TMEM248: variants seen among roughly 807,000 people sequenced by gnomAD.
The protein encoded by TMEM248 is transmembrane protein 248.
TMEM248 carries 9 observed loss-of-function variants against 30.3 expected under a neutral mutation model. That is an observed-to-expected ratio of 0.30 (90% CI 0.18 to 0.52). TMEM248 has a LOEUF of 0.52. Ranked by LOEUF, TMEM248 falls within the 20% of genes least tolerant of loss-of-function variation. TMEM248 has a pLI of 0.97. For synonymous variants in TMEM248, 184 were observed against 154.4 expected (o/e 1.19, Z -1.42); for missense variants, 338 against 403.3 (o/e 0.84, Z 1.39).
Position 66,945,041 on chromosome 7 carries a change from C to T in TMEM248, c.225C>T (p.Leu75=), listed in dbSNP as rs756827256. The change falls in exon 3 of 7, where the codon CTC becomes CTT. Residue 75 remains leucine (L), a synonymous_variant. Transcript: ENST00000341567. ...TGTGTGTATCAGAGAATGAAACCCT[C>T]AAGCATCTCACAAACGACACCACAA... ...LDLCVSENET[L]KHLTNDTTTP... 2 of 1,614,220 alleles carry T rather than the reference C, an allele frequency of 1.2e-6. No individual in the cohort carries two copies. Among genetic ancestry groups the T allele is most frequent in the South Asian group, 2.2e-5 (2 of 91,088 alleles).
intron 6 of TMEM248, among the ~76,000 whole-genome samples, chr7:66,953,867 A>T (rs543663561): frequency 2.6e-4 from 39 of 151,694 alleles, no homozygotes; most frequent in African/African-American, 8.9e-4. Context: ...TGGCCTCCCA[A>T]AGTGCTGGAA....
rs763585699 is a variant in TMEM248 at position 66,953,319 on chromosome 7, G to A, written c.874G>A (p.Gly292Ser). ...AATGTTTTGCTATGCTGTTATCAAG[G>A]GCAGACCTAGCAAATTGCGTCAGAG... Reference protein sequence around the residue: ...ITMFCYAVIKGRPSKLRQSNP... With the variant: ...ITMFCYAVIKSRPSKLRQSNP... Residue 292 changes from glycine (G) to serine (S), a missense_variant, in exon 6 of 7, where the codon GGC becomes AGC. Coordinates refer to ENST00000341567, the MANE Select transcript of TMEM248 (RefSeq NM_017994.5). The A allele has an allele frequency of 6.2e-6, 10 of 1,614,012 alleles. No homozygotes were observed. In the Admixed American group the frequency reaches 1.7e-4, roughly 27 times the overall value.
Position 66,941,956 on chromosome 7 carries a change from G to C in TMEM248, c.91G>C (p.Ala31Pro), listed in dbSNP as rs1423598992. The C allele has an allele frequency of 6.2e-7, 1 of 1,614,134 alleles. No individual in the cohort carries two copies. Among genetic ancestry groups the C allele is most frequent in the East Asian group, 2.2e-5 (1 of 44,896 alleles). ...VVFMISVSAM[A>P]IAFLTLGYFF... ...CTTCATGATCAGCGTAAGCGCCATG[G>C]CCATAGCTTTCCTGACCCTGGGCTA... The change falls in exon 2 of 7, where the codon GCC becomes CCC. Residue 31 changes from alanine (A) to proline (P), a missense_variant. Coordinates refer to ENST00000341567, the MANE Select transcript of TMEM248 (RefSeq NM_017994.5).
rs1439283672 is a variant in TMEM248 at position 66,957,560 on chromosome 7, G to A, written c.*2038G>A. 1.3e-5 allele frequency: 2 copies of A among 152,140 alleles called. No individual in the cohort carries two copies. The highest frequency in any genetic ancestry group is 2.9e-5 in the Non-Finnish European group (2 of 68,036). The allele number at this position is 152,140 out of a possible 1,614,324, so 9.4% of individuals were successfully genotyped here. ...AGCCATGTGGCTTGGCTCTAGAAAC[G>A]TCATTATCATTAGGACCATCAGATT... On this transcript the variant is annotated 3_prime_UTR_variant, in exon 7 of 7. Coordinates refer to ENST00000341567, the MANE Select transcript of TMEM248 (RefSeq NM_017994.5).
chr7:66,931,992 G>T (rs185221513), intron 1 of TMEM248, among the ~76,000 whole-genome samples: 48 of 151,120 alleles, frequency 3.2e-4, no homozygotes, highest in African/African-American at 1.0e-3. Flanking sequence ...TTTTAGTAGA[G>T]ACGGGGTTTC....
intron 6 of TMEM248, among the ~76,000 whole-genome samples, chr7:66,953,944 T>C (rs1445469663): frequency 1.0e-3 from 119 of 114,354 alleles, no homozygotes; most frequent in African/African-American, 3.4e-3. Context: ...ACTTTCTTTT[T>C]TTTTTTTTTT....
intron 1 of TMEM248, among the ~76,000 whole-genome samples, chr7:66,940,443 A>G (rs1200310986): frequency 6.6e-6 from 1 of 152,228 alleles, no homozygotes; most frequent in African/African-American, 2.4e-5. Flanking sequence ...AGGAAGCTAA[A>G]TAGATGGAAA....
chr7:66,947,405 T>A (rs1792135797), intron 3 of TMEM248, among the ~76,000 whole-genome samples: 1 of 151,942 alleles, frequency 6.6e-6, no homozygotes, highest in South Asian at 2.1e-4. Context: ...CCTTCGGGAT[T>A]TTTTGTTGTT....
Position 66,945,258 on chromosome 7 carries a change from T to G in TMEM248, c.442T>G (p.Ser148Ala). The change falls in exon 3 of 7, where the codon TCA (serine) becomes GCA (alanine). Residue 148 changes from serine (S) to alanine (A), a missense_variant. By Grantham distance (99) the Ser-to-Ala change is moderately conservative. Coordinates refer to ENST00000341567, the MANE Select transcript of TMEM248 (RefSeq NM_017994.5). ...CATCTTAGGGCATCAGATTGGACTT[T>G]CAGGTATGCAGTAGCCACTCTCCAC... is the stretch of plus-strand genomic sequence containing the variant. ...STILGHQIGL[S>A]GREAHEEINI... The G allele has an allele frequency of 1.2e-6, 2 of 1,612,464 alleles. No individual in the cohort carries two copies. Among genetic ancestry groups the G allele is most frequent in the Non-Finnish European group, 1.7e-6 (2 of 1,178,542 alleles).
In TMEM248 at chr7:66,951,076, G is replaced by C; in HGVS notation, c.721G>C (p.Gly241Arg). The C allele has an allele frequency of 1.2e-6, 2 of 1,609,786 alleles. No individual in the cohort carries two copies. Among genetic ancestry groups the C allele is most frequent in the Non-Finnish European group, 1.7e-6 (2 of 1,178,858 alleles). The part of the protein sequence containing the change: ...QDYNPFWCYK[G>R]AIGKVYHALN... ...TTACAATCCTTTCTGGTGTTATAAG[G>C]GGGCCATTGGAAAAGTCTATCATGC... is the stretch of plus-strand genomic sequence containing the variant. Residue 241 changes from glycine to arginine, a missense_variant, in exon 5 of 7, where the codon GGG becomes CGG. Transcript: ENST00000341567.
chr7:66,955,067 A>C lies in TMEM248; in HGVS notation c.925-435A>C, dbSNP rs113446825. Among the ~76,000 whole-genome samples, 193 of 152,346 alleles carry C rather than the reference A, an allele frequency of 1.3e-3. 1 individual carries two copies. Among genetic ancestry groups the C allele is most frequent in the African/African-American group, 4.5e-3 (186 of 41,578 alleles). The stretch of plus-strand genomic sequence containing the variant: ...CACTTGAGCCCACGAGTTCAAGACC[A>C]GCCTGGGCAACATAGTGAGAACCCT... On this transcript the variant is annotated intron_variant, in intron 6 of 6. Coordinates refer to ENST00000341567, the MANE Select transcript of TMEM248 (RefSeq NM_017994.5).
chr7:66,923,919 G>A (rs1397177516), intron 1 of TMEM248, among the ~76,000 whole-genome samples: 1 of 152,206 alleles, frequency 6.6e-6, no homozygotes, highest in Admixed American at 6.6e-5. Context: ...GCCTGCCTCA[G>A]CCTCCCAATG....
chr7:66,926,356 AC>A (rs1391774766), intron 1 of TMEM248, among the ~76,000 whole-genome samples: 1 of 152,262 alleles, frequency 6.6e-6, no homozygotes, highest in Non-Finnish European at 1.5e-5. Flanking sequence ...ACCGTGGCTT[AC>A]GCCTGTAATG....
At chr7:66,934,944 A>C (rs552536177) in intron 1 of TMEM248, among the ~76,000 whole-genome samples, 6 of 151,900 alleles carry the variant, frequency 3.9e-5, no homozygotes, top group Admixed American at 6.6e-5. Context: ...AATCTCAGCT[A>C]CTCAGAAGGC....
At position 66,933,326 on chromosome 7, in the gene TMEM248, C is replaced by T. The variant is rs551296616; in HGVS notation, c.-18-8522C>T. Among the ~76,000 whole-genome samples, 10 of 152,348 alleles carry T rather than the reference C, an allele frequency of 6.6e-5. No homozygotes were observed. The South Asian group carries it at 1.9e-3, about 28-fold the overall frequency. ...CTGGGACTATGGACGTGTGCCACCA[C>T]GCCCAGATCTTGTGTTTTTGATAGG... On this transcript the variant is annotated intron_variant, in intron 1 of 6. Transcript: ENST00000341567.
chr7:66,944,701 T>G (rs1472989519), intron 2 of TMEM248, among the ~76,000 whole-genome samples: 1 of 152,218 alleles, frequency 6.6e-6, no homozygotes. Context: ...TAAAAAGATT[T>G]TCTTGAATAA....
At chr7:66,931,490 AT>A (rs141003306) in intron 1 of TMEM248, among the ~76,000 whole-genome samples, 46 of 149,190 alleles carry the variant, frequency 3.1e-4, no homozygotes, top group African/African-American at 8.6e-4. Flanking sequence ...GCAAAATTAC[AT>A]TTTTTTTTTC....
intron 1 of TMEM248, among the ~76,000 whole-genome samples, chr7:66,929,409 A>G (rs996084509): frequency 7.0e-6 from 1 of 142,798 alleles, no homozygotes; most frequent in Admixed American, 7.1e-5. Flanking sequence ...AAACAATATC[A>G]TGGAAATGAG....
At chr7:66,945,808 G>A (rs574299817) in intron 3 of TMEM248, among the ~76,000 whole-genome samples, 4 of 152,234 alleles carry the variant, frequency 2.6e-5, no homozygotes, top group African/African-American at 4.8e-5. Context: ...AAAATTGGCC[G>A]GGCGCGGTGG....
Sources: allele counts gnomAD v4.1 joint callset (sites outside exome capture counted in the v4.1 genomes callset), GRCh38; gene constraint gnomAD v4.1.1; transcripts MANE v1.5; gene names NCBI Gene and HGNC (gene_info 2026-07-23, HGNC 2026-07-21).